Variants in BTBD9 observed in about 807,000 individuals in gnomAD.
BTBD9 encodes BTB/POZ domain-containing protein 9.
Under a neutral mutation model 64.3 loss-of-function variants are expected in BTBD9, and 49 were observed. That is an observed-to-expected ratio of 0.76 (90% confidence interval 0.61 to 0.97). The LOEUF is 0.97. BTBD9 is among the 50% of genes least tolerant of loss of function. BTBD9 has a pLI of 0.00. For synonymous variants in BTBD9, 260 were observed against 274.7 expected, an observed-to-expected ratio of 0.95 and a Z score of 0.53; for missense variants, 598 against 762.1, an observed-to-expected ratio of 0.78 and a Z score of 2.53.
chr6:38,193,058 T>A (rs540408910), intron 9 of BTBD9, among the ~76,000 whole-genome samples: 217 of 129,388 alleles, frequency 1.7e-3, no homozygotes, highest in African/African-American at 4.9e-3. Flanking sequence ...AGTATAATAA[T>A]AATAAAAAAA....
chr6:38,210,969 G>T (rs192101442), intron 9 of BTBD9, among the ~76,000 whole-genome samples: 1 of 152,084 alleles, frequency 6.6e-6, no homozygotes, highest in East Asian at 1.9e-4. Flanking sequence ...TGAGTTCCTC[G>T]GCCTAACAGC....
chr6:38,393,522 AAT>A (rs1409311363), intron 6 of BTBD9, among the ~76,000 whole-genome samples: 3 of 152,132 alleles, frequency 2.0e-5, no homozygotes, highest in East Asian at 3.8e-4. Flanking sequence ...AAAAAAAAAA[AAT>A]CTACGAAAAA....
rs1281932136 is a variant in BTBD9 at position 38,171,527 on chromosome 6, G to C, written c.*3458C>G. On this transcript the variant is annotated 3_prime_UTR_variant, in exon 11 of 11. Transcript: ENST00000481247. ...AACTAAAATCAAAGGAATGAAAGCA[G>C]AAAAAGCACTGAGAAAATGGTAAAA... 3.6e-5 allele frequency: 5 copies of C among 138,784 alleles called. No individual in the cohort carries two copies. Among genetic ancestry groups the C allele is most frequent in the Admixed American group, 1.6e-4 (2 of 12,724 alleles). 8.6% of individuals were successfully genotyped at this position (138,784 alleles called of 1,614,324 possible).
chr6:38,433,537 G>T (rs988534793), intron 6 of BTBD9, among the ~76,000 whole-genome samples: 1 of 150,954 alleles, frequency 6.6e-6, no homozygotes, highest in African/African-American at 2.5e-5. Flanking sequence ...TGTGACCCCC[G>T]CCCCTGCCTG....
intron 6 of BTBD9, among the ~76,000 whole-genome samples, chr6:38,525,932 C>T (rs943455454): frequency 2.6e-5 from 4 of 152,190 alleles, no homozygotes; most frequent in Admixed American, 2.0e-4. Flanking sequence ...GGAAAATTTG[C>T]AGCCTGGCCC....
chr6:38,340,779 T>TA (rs1307928205), intron 7 of BTBD9, among the ~76,000 whole-genome samples: 35 of 152,106 alleles, frequency 2.3e-4, no homozygotes, highest in African/African-American at 8.5e-4. Flanking sequence ...AATCCAAAAT[T>TA]ACGAAATAAT....
chr6:38,236,625 C>T (rs1763785034), intron 9 of BTBD9, among the ~76,000 whole-genome samples: 1 of 152,156 alleles, frequency 6.6e-6, no homozygotes, highest in Non-Finnish European at 1.5e-5. Flanking sequence ...CTAAGTAAAT[C>T]CCAAAGAAAC....
chr6:38,396,735 G>A (rs567420631), intron 6 of BTBD9, among the ~76,000 whole-genome samples: 2 of 152,204 alleles, frequency 1.3e-5, no homozygotes, highest in African/African-American at 4.8e-5. Context: ...AAATTAAGAT[G>A]AGCTGTAAGT....
chr6:38,249,122 A>T (rs1764304139), intron 9 of BTBD9, among the ~76,000 whole-genome samples: 1 of 152,244 alleles, frequency 6.6e-6, no homozygotes, highest in African/African-American at 2.4e-5. Context: ...AGACTTCTGA[A>T]AAAACTGAAT....
chr6:38,575,810 G>C (rs1775997967), intron 6 of BTBD9, among the ~76,000 whole-genome samples: 1 of 151,642 alleles, frequency 6.6e-6, no homozygotes, highest in East Asian at 1.9e-4. Context: ...AGAATTGGGA[G>C]CTGGCTATAC....
At chr6:38,361,530 G>A (rs888594609) in intron 6 of BTBD9, among the ~76,000 whole-genome samples, 4 of 150,648 alleles carry the variant, frequency 2.7e-5, no homozygotes, top group African/African-American at 7.3e-5. Context: ...GTAACAGAAC[G>A]AGACCCTGTC....
intron 6 of BTBD9, among the ~76,000 whole-genome samples, chr6:38,364,216 G>A (rs1266434250): frequency 6.6e-6 from 1 of 152,112 alleles, no homozygotes; most frequent in Admixed American, 6.5e-5. Context: ...ATAGGAATGA[G>A]CGTCAACTGT....
At chr6:38,185,486 G>A (rs758625671) in intron 10 of BTBD9, among the ~76,000 whole-genome samples, 2 of 152,146 alleles carry the variant, frequency 1.3e-5, no homozygotes, top group Non-Finnish European at 2.9e-5. Context: ...CAGTGGCCTC[G>A]ATGTTACAGC....
intron 6 of BTBD9, among the ~76,000 whole-genome samples, chr6:38,522,217 C>A (rs1773299682): frequency 6.6e-6 from 1 of 152,218 alleles, no homozygotes; most frequent in South Asian, 2.1e-4. Flanking sequence ...GCTTTGTTCT[C>A]TACTGGCTTT....
chr6:38,509,146 C>T (rs1461644879), intron 6 of BTBD9, among the ~76,000 whole-genome samples: 5 of 152,162 alleles, frequency 3.3e-5, no homozygotes, highest in Non-Finnish European at 7.3e-5. Flanking sequence ...TAACCCAATA[C>T]CCAGCATAGT....
chr6:38,580,718 A>C (rs1324667307), intron 4 of BTBD9, among the ~76,000 whole-genome samples: 1 of 151,794 alleles, frequency 6.6e-6, no homozygotes, highest in East Asian at 1.9e-4. Flanking sequence ...CAACATGGGA[A>C]GACCCTGTCC....
intron 9 of BTBD9, among the ~76,000 whole-genome samples, chr6:38,201,907 A>G (rs1762472512): frequency 6.6e-6 from 1 of 152,164 alleles, no homozygotes; most frequent in Admixed American, 6.5e-5. Flanking sequence ...CTCTACAACG[A>G]AAACCACAAA....
chr6:38,405,069 T>C (rs1767104448), intron 6 of BTBD9, among the ~76,000 whole-genome samples: 1 of 152,144 alleles, frequency 6.6e-6, no homozygotes, highest in Non-Finnish European at 1.5e-5. Flanking sequence ...AAAGTAACAA[T>C]GTAAGAGTTT....
At position 38,437,805 on chromosome 6, in the gene BTBD9, A is replaced by T. The variant is rs141886954; in HGVS notation, c.1155-92712T>A. 5.9e-5 allele frequency among the ~76,000 whole-genome samples: 9 copies of T among 152,216 alleles called. No homozygotes were observed. The East Asian group carries it at 1.7e-3, about 30-fold the overall frequency. On this transcript the variant is annotated intron_variant, in intron 6 of 10. Transcript: ENST00000481247. ...AAGCAGGGGACAGTGTTCAAATAGGATCTCTGTATTTAGGCTTTGAAAAAT... is the reference window on the plus strand; with the variant it reads ...AAGCAGGGGACAGTGTTCAAATAGGTTCTCTGTATTTAGGCTTTGAAAAAT...
Sources: gnomAD v4.1 joint callset for allele counts (sites outside exome capture counted in the v4.1 genomes callset) on GRCh38, gnomAD v4.1.1 for gene constraint, MANE v1.5 for transcripts, NCBI Gene and HGNC (gene_info 2026-07-23, HGNC 2026-07-21) for gene names.